EEF1AKMT1: variants seen among roughly 807,000 people sequenced by gnomAD.
EEF1AKMT1 encodes the protein EEF1A lysine methyltransferase 1.
Under a neutral mutation model 21.0 loss-of-function variants are expected in EEF1AKMT1, and 18 were observed. The ratio of observed to expected loss-of-function variants is 0.86; its 90% confidence interval spans 0.59 to 1.27. The LOEUF (loss-of-function observed/expected upper bound fraction) is 1.27. Among genes scored for constraint, EEF1AKMT1 ranks in the 50% most tolerant of loss-of-function variants. EEF1AKMT1 has a pLI of 0.00. For synonymous variants in EEF1AKMT1, 109 were observed against 94.8 expected, an observed-to-expected ratio of 1.15 and a Z score of -0.87; for missense variants, 246 against 258.6, an observed-to-expected ratio of 0.95 and a Z score of 0.33.
At chr13:20,761,860 T>C (rs2059002847) in intron 1 of EEF1AKMT1, among the ~76,000 whole-genome samples, 2 of 152,172 alleles carry the variant, frequency 1.3e-5, no homozygotes, top group Non-Finnish European at 2.9e-5. Context: ...TCAGGTGGAA[T>C]GTGGGAGGCT....
chr13:20,741,101 G>A (rs2058867935), intron 2 of EEF1AKMT1, among the ~76,000 whole-genome samples: 1 of 152,022 alleles, frequency 6.6e-6, no homozygotes, highest in African/African-American at 2.4e-5. Flanking sequence ...GATTCAGCCT[G>A]GAGGTGAGTA....
Position 20,742,684 on chromosome 13 carries a change from C to G in EEF1AKMT1, c.145-4879G>C, listed in dbSNP as rs143236795. On this transcript the variant is annotated intron_variant, in intron 2 of 4. Transcript: ENST00000382758. ...TTATTCTGGCTTTCTGACAAAGTTG[C>G]TCCAACACCTAACGCAAGCCAAACT... Among the ~76,000 whole-genome samples, 17 of 152,324 alleles carry G rather than the reference C, an allele frequency of 1.1e-4. No individual in the cohort carries two copies. The East Asian group carries it at 3.1e-3, about 28-fold the overall frequency.
chr13:20,736,615 T>C lies in EEF1AKMT1; in HGVS notation c.227+1108A>G, dbSNP rs560963316. 8.7e-4 allele frequency among the ~76,000 whole-genome samples: 132 copies of C among 152,190 alleles called. 3 individuals carry two copies. In the South Asian group the frequency reaches 0.026, roughly 30 times the overall value. Reference sequence around the variant, plus strand: ...TTGCAGAGCCCTGGGAATAGGGTTTTTTTAAAAAAGAAGTTGAAATATGTT... The same window carrying C: ...TTGCAGAGCCCTGGGAATAGGGTTTCTTTAAAAAAGAAGTTGAAATATGTT... On this transcript the variant is annotated intron_variant, in intron 3 of 4. Coordinates refer to ENST00000382758, the MANE Select transcript of EEF1AKMT1 (RefSeq NM_001318939.2).
At chr13:20,733,198 C>T (rs950806221) in intron 3 of EEF1AKMT1, among the ~76,000 whole-genome samples, 5 of 149,518 alleles carry the variant, frequency 3.3e-5, no homozygotes, top group Admixed American at 6.8e-5. Flanking sequence ...CGGGTTCAAG[C>T]GATTCTCCTG....
intron 2 of EEF1AKMT1, among the ~76,000 whole-genome samples, chr13:20,751,215 C>T (rs1275254933): frequency 6.6e-6 from 1 of 152,012 alleles, no homozygotes; most frequent in African/African-American, 2.4e-5. Flanking sequence ...GTTTCTTGTG[C>T]TTTTGAGGTC....
chr13:20,762,682 A>G (rs939063312), intron 1 of EEF1AKMT1, among the ~76,000 whole-genome samples: 1 of 151,318 alleles, frequency 6.6e-6, no homozygotes, highest in Non-Finnish European at 1.5e-5. Context: ...CCCGGCTAAC[A>G]TTTTTATTTT....
chr13:20,730,648 T>C (rs1376470433), intron 4 of EEF1AKMT1, among the ~76,000 whole-genome samples: 1 of 152,144 alleles, frequency 6.6e-6, no homozygotes, highest in African/African-American at 2.4e-5. Flanking sequence ...TTCCTGGGTC[T>C]AGTGGGGACT....
chr13:20,747,431 G>A (rs73435289), intron 2 of EEF1AKMT1: 2,491 of 209,752 alleles, frequency 0.012, 79 homozygotes, highest in African/African-American at 0.056. Context: ...TCACATAAAC[G>A]TACCAGATCT....
intron 2 of EEF1AKMT1, among the ~76,000 whole-genome samples, chr13:20,738,836 G>C (rs1406953965): frequency 6.6e-6 from 1 of 152,208 alleles, no homozygotes; most frequent in African/African-American, 2.4e-5. Context: ...TGAGGGATTA[G>C]GAGGTGACAG....
At chr13:20,752,429 T>C (rs2058947194) in intron 2 of EEF1AKMT1, among the ~76,000 whole-genome samples, 1 of 152,208 alleles carries the variant, frequency 6.6e-6, no homozygotes, top group South Asian at 2.1e-4. Flanking sequence ...CTTCAGTCTG[T>C]TGATGTGGTG....
At chr13:20,751,580 C>A (rs2141427217) in intron 2 of EEF1AKMT1, among the ~76,000 whole-genome samples, 1 of 152,200 alleles carries the variant, frequency 6.6e-6, no homozygotes, top group East Asian at 1.9e-4. Flanking sequence ...ATCATTTGAA[C>A]TCAGGTAGTG....
chr13:20,752,966 T>C (rs927415376), intron 2 of EEF1AKMT1, among the ~76,000 whole-genome samples: 2 of 152,112 alleles, frequency 1.3e-5, no homozygotes, highest in African/African-American at 4.8e-5. Flanking sequence ...ATTATTTCTT[T>C]CCTTCTACTC....
intron 1 of EEF1AKMT1, among the ~76,000 whole-genome samples, chr13:20,757,841 T>TTATACTCTCC (rs1735912710): frequency 6.6e-6 from 1 of 152,156 alleles, no homozygotes; most frequent in Non-Finnish European, 1.5e-5. Flanking sequence ...ACATGTCTCA[T>TTATACTCTCC]TATACTCTCC....
chr13:20,740,580 G>T (rs549002176), intron 2 of EEF1AKMT1, among the ~76,000 whole-genome samples: 2 of 152,368 alleles, frequency 1.3e-5, no homozygotes, highest in South Asian at 2.1e-4. Flanking sequence ...CAAGGCGGGA[G>T]GGTCCTGAGG....
chr13:20,746,419 G>A (rs550490058), intron 2 of EEF1AKMT1, among the ~76,000 whole-genome samples: 8 of 152,302 alleles, frequency 5.3e-5, no homozygotes, highest in East Asian at 3.9e-4. Context: ...CCAAAGTGCT[G>A]GGATTAGAGG....
chr13:20,742,259 T>C (rs1398672222), intron 2 of EEF1AKMT1, among the ~76,000 whole-genome samples: 1 of 152,182 alleles, frequency 6.6e-6, no homozygotes, highest in African/African-American at 2.4e-5. Flanking sequence ...TTTTTATTTT[T>C]ATTTTTATTT....
chr13:20,739,654 C>T (rs1189665809), intron 2 of EEF1AKMT1, among the ~76,000 whole-genome samples: 1 of 152,208 alleles, frequency 6.6e-6, no homozygotes, highest in Non-Finnish European at 1.5e-5. Flanking sequence ...AAACCTTGAA[C>T]TAGGCACAGA....
chr13:20,760,134 A>G (rs962966354), intron 1 of EEF1AKMT1, among the ~76,000 whole-genome samples: 1 of 151,332 alleles, frequency 6.6e-6, no homozygotes, highest in Non-Finnish European at 1.5e-5. Context: ...AAGTCAAAAA[A>G]TAACAGATGT....
intron 1 of EEF1AKMT1, among the ~76,000 whole-genome samples, chr13:20,760,692 A>G (rs1438464431): frequency 6.7e-5 from 8 of 119,708 alleles, no homozygotes; most frequent in Non-Finnish European, 1.8e-5. Flanking sequence ...TAAAAATAAA[A>G]TATGTTTTAA....
Sources: allele counts gnomAD v4.1 joint callset (sites outside exome capture counted in the v4.1 genomes callset), GRCh38; gene constraint gnomAD v4.1.1; transcripts MANE v1.5; gene names NCBI Gene and HGNC (gene_info 2026-07-23, HGNC 2026-07-21).